The following ARHGEF10 variants were observed in gnomAD, a reference collection of about 807,000 sequenced individuals.
ARHGEF10 encodes Rho guanine nucleotide exchange factor (GEF) 10.
In ARHGEF10, 140 loss-of-function variants were observed where a neutral mutation model predicts 147.4. The ratio of observed to expected loss-of-function variants is 0.95; its 90% CI spans 0.83 to 1.09. The LOEUF (loss-of-function observed/expected upper bound fraction) is 1.09. Ranked by LOEUF, ARHGEF10 falls within the 50% of genes least tolerant of loss-of-function variation. The probability of loss-of-function intolerance (pLI) is 0.00; values close to 1 mark genes in which losing one functional copy is unlikely to be tolerated. For synonymous variants in ARHGEF10, 902 were observed against 695.8 expected (o/e 1.30, Z -4.67); for missense variants, 2,222 against 1,752.7 (o/e 1.27, Z -4.78).
At chr8:1,882,525 T>C (rs779758826) in intron 9 of ARHGEF10, 110 bp from the exon 10 acceptor site, 3 of 930,108 alleles carry the variant, frequency 3.2e-6, no homozygotes, top group South Asian at 1.4e-5. Flanking sequence ...ACGTGACACA[T>C]GCGCTCACAA....
intron 1 of ARHGEF10, among the ~76,000 whole-genome samples, chr8:1,839,058 G>C (rs1198776726): frequency 6.6e-6 from 1 of 151,944 alleles, no homozygotes; most frequent in African/African-American, 2.4e-5. Context: ...TGTGGAAGCT[G>C]TCCGATATGG....
chr8:1,876,156 A>C (rs3735873), intron 7 of ARHGEF10: 7,663 of 246,210 alleles, frequency 0.031, 255 homozygotes, highest in East Asian at 0.12. Flanking sequence ...TCCACCGTCC[A>C]TCGACATGCC....
chr8:1,876,348 C>G, intron 7 of ARHGEF10: 1 of 597,062 alleles, frequency 1.7e-6, no homozygotes, highest in Non-Finnish European at 3.0e-6. Context: ...TTGTGAGAAA[C>G]ACCTGAAGTG....
Position 1,866,440 on chromosome 8 carries a change from C to T in ARHGEF10, c.546-86C>T, listed in dbSNP as rs189493344. ...ATATTCTGACACACACACACACACA[C>T]ACACACACACTCTGCAGGGCAGTTG... On this transcript the variant is annotated intron_variant, in intron 5 of 28. Coordinates refer to ENST00000349830, the MANE Select transcript of ARHGEF10 (RefSeq NM_014629.4). 1.1e-5 allele frequency: 11 copies of T among 1,045,420 alleles called. No individual in the cohort carries two copies. The South Asian group carries it at 1.1e-4, about 11-fold the overall frequency. The allele number at this position is 1,045,420 out of a possible 1,614,324, so 64.8% of individuals were successfully genotyped here. A position where few individuals can be genotyped will look rare whatever the true frequency, so the allele number is the denominator to read the frequency against.
At chr8:1,928,946 C>G (rs1812897592) in intron 24 of ARHGEF10, among the ~76,000 whole-genome samples, 1 of 152,114 alleles carries the variant, frequency 6.6e-6, no homozygotes, top group African/African-American at 2.4e-5. Context: ...AAAGGACATT[C>G]CCCCCTTATA....
intron 7 of ARHGEF10, chr8:1,869,658 G>C: frequency 3.1e-6 from 1 of 318,494 alleles, no homozygotes; most frequent in Non-Finnish European, 6.1e-6. Context: ...TAAATTCTCA[G>C]ATTTTAGACA....
Position 1,956,886 on chromosome 8 carries a change from A to G in ARHGEF10, c.3658A>G (p.Lys1220Glu). The change falls in exon 29 of 29, where the codon AAG (lysine) becomes GAG (glutamate). Residue 1220 changes from lysine (K) to glutamate (E), a missense_variant. Physicochemically the swap from Lys to Glu is moderately conservative, Grantham distance 56. Transcript: ENST00000349830. ...CCCCGAGCCTCAGGACGAAGACCAG[A>G]AGGACGCACTTCCGAGTGGAGGAGC... Reference protein sequence around the residue: ...PGPEPQDEDQKDALPSGGAGS... With the variant: ...PGPEPQDEDQEDALPSGGAGS... The G allele has an allele frequency of 3.7e-6, 6 of 1,614,064 alleles. No homozygotes were observed. Among genetic ancestry groups the G allele is most frequent in the Non-Finnish European group, 5.1e-6 (6 of 1,180,010 alleles).
chr8:1,876,786 A>T, intron 8 of ARHGEF10, 52 bp downstream of exon 8: 1 of 1,591,676 alleles, frequency 6.3e-7, no homozygotes, highest in Non-Finnish European at 8.6e-7. Context: ...TAACACGGAC[A>T]GGGGGCTGTG....
Position 1,919,160 on chromosome 8 carries a change from T to C in ARHGEF10, c.2144-3804T>C, listed in dbSNP as rs148507466. On this transcript the variant is annotated intron_variant, in intron 18 of 28. Transcript: ENST00000349830. ...TTCCATGGGTGATGGAGCTGTTCCG[T>C]GGGTGATGGAGCTGTTCTCTGGGTG... is the stretch of plus-strand genomic sequence containing the variant. 6.4e-3 allele frequency among the ~76,000 whole-genome samples: 939 copies of C among 146,482 alleles called. 20 individuals are homozygous for C. The highest frequency in any genetic ancestry group is 0.023 in the African/African-American group (862 of 38,224).
intron 11 of ARHGEF10, among the ~76,000 whole-genome samples, chr8:1,888,288 G>A (rs1288349055): frequency 2.7e-5 from 2 of 74,018 alleles, no homozygotes; most frequent in East Asian, 1.0e-3. Context: ...TTCTGAGGAG[G>A]GGTGGGGTGA....
At chr8:1,855,032 C>T (rs906926255) in intron 2 of ARHGEF10, among the ~76,000 whole-genome samples, 4 of 152,200 alleles carry the variant, frequency 2.6e-5, no homozygotes, top group African/African-American at 9.6e-5. Flanking sequence ...AGGGCTGTTT[C>T]CTGCACACAC....
intron 18 of ARHGEF10, among the ~76,000 whole-genome samples, chr8:1,918,713 T>C (rs1452574946): frequency 1.3e-5 from 2 of 152,228 alleles, no homozygotes; most frequent in Non-Finnish European, 2.9e-5. Context: ...CCTTATTAAC[T>C]ACATTAGACG....
chr8:1,857,948 T>A lies in ARHGEF10; in HGVS notation c.38-12T>A, dbSNP rs757733769. On this transcript the variant is annotated splice_polypyrimidine_tract_variant and intron_variant, in intron 2 of 28. Coordinates refer to ENST00000349830, the MANE Select transcript of ARHGEF10 (RefSeq NM_014629.4). ...TATCTCTCCTTGATGTGGTTTTGGTTTTTCTTTTTAGAAAATGAAATGAAA... is the reference window on the plus strand; with the variant it reads ...TATCTCTCCTTGATGTGGTTTTGGTATTTCTTTTTAGAAAATGAAATGAAA... The A allele has an allele frequency of 5.6e-6, 9 of 1,593,618 alleles. No individual in the cohort carries two copies. Among genetic ancestry groups the A allele is most frequent in the Non-Finnish European group, 7.7e-6 (9 of 1,166,052 alleles).
chr8:1,878,802 A>G (rs890816088), intron 8 of ARHGEF10, among the ~76,000 whole-genome samples: 1 of 152,140 alleles, frequency 6.6e-6, no homozygotes, highest in African/African-American at 2.4e-5. Context: ...GGGCAGTGCC[A>G]GTGGTTCAGC....
rs138781162 is a variant in ARHGEF10 at position 1,900,782 on chromosome 8, C to T, written c.1650+2257C>T. Among the ~76,000 whole-genome samples, 443 of 152,304 alleles carry T rather than the reference C, an allele frequency of 2.9e-3. 1 individual carries two copies. The highest frequency in any genetic ancestry group is 7.6e-3 in the African/African-American group (316 of 41,556). On this transcript the variant is annotated intron_variant, in intron 15 of 28. Coordinates refer to ENST00000349830, the MANE Select transcript of ARHGEF10 (RefSeq NM_014629.4). ...TGCACTTAGAAAGATTCAGTGTGCT[C>T]TTCCAGATCGTCACCAGCAGAGTTA...
At chr8:1,952,627 G>C in intron 27 of ARHGEF10, 78 bp from the exon 28 acceptor site, 1 of 1,587,936 alleles carries the variant, frequency 6.3e-7, no homozygotes, top group Non-Finnish European at 8.6e-7. Flanking sequence ...GGCCTGTGGG[G>C]TTTCCAGCAC....
chr8:1,847,547 G>A (rs886169841), intron 2 of ARHGEF10, among the ~76,000 whole-genome samples: 20 of 152,032 alleles, frequency 1.3e-4, no homozygotes, highest in African/African-American at 4.6e-4. Context: ...AGCTCAGACA[G>A]ACGCCAGCAC....
At chr8:1,831,049 C>T (rs559459159) in intron 1 of ARHGEF10, among the ~76,000 whole-genome samples, 6 of 152,306 alleles carry the variant, frequency 3.9e-5, no homozygotes, top group East Asian at 1.9e-4. Flanking sequence ...GCCAGGGCAG[C>T]GGGGGAACTG....
chr8:1,867,962 T>G (rs2129090792), intron 6 of ARHGEF10, among the ~76,000 whole-genome samples: 1 of 152,344 alleles, frequency 6.6e-6, no homozygotes, highest in East Asian at 1.9e-4. Context: ...AGGATTAAAT[T>G]ATTGTCTTGG....
Sources: allele counts gnomAD v4.1 joint callset (sites outside exome capture counted in the v4.1 genomes callset), GRCh38; gene constraint gnomAD v4.1.1; transcripts MANE v1.5; gene names NCBI Gene and HGNC (gene_info 2026-07-23, HGNC 2026-07-21).